Variants in TJP1 observed in about 807,000 individuals in gnomAD.
TJP1 encodes the protein tight junction protein 1, also known as tight junction protein ZO-1.
TJP1 carries 43 observed loss-of-function variants against 194.2 expected under a neutral mutation model. The ratio of observed to expected loss-of-function variants is 0.22; its 90% CI spans 0.17 to 0.29. The LOEUF (loss-of-function observed/expected upper bound fraction) is 0.29, where lower values mean the gene tolerates loss of function less well. Among genes scored for constraint, TJP1 ranks in the 10% least tolerant of loss-of-function variants. TJP1 has a pLI of 1.00. For synonymous variants in TJP1, 801 were observed against 779.0 expected, an observed-to-expected ratio of 1.03 and a Z score of -0.47; for missense variants, 1,971 against 2,185.7, an observed-to-expected ratio of 0.90 and a Z score of 1.96.
intron 2 of TJP1, among the ~76,000 whole-genome samples, chr15:29,786,894 G>A (rs542264933): frequency 6.6e-6 from 1 of 152,160 alleles, no homozygotes; most frequent in Non-Finnish European, 1.5e-5. Context: ...CTCTTAAGGG[G>A]CATTTTACTA....
At chr15:29,796,881 C>CA (rs965874529) in intron 2 of TJP1, among the ~76,000 whole-genome samples, 82 of 151,254 alleles carry the variant, frequency 5.4e-4, no homozygotes, top group African/African-American at 1.9e-3. Flanking sequence ...TGATTTTTGA[C>CA]AAAGCGAGAA....
intron 24 of TJP1, 143 bp from the exon 25 acceptor site, chr15:29,709,179 A>G (rs991292345): frequency 2.7e-6 from 2 of 739,058 alleles, no homozygotes; most frequent in African/African-American, 3.6e-5. Flanking sequence ...CCTGGAGGCT[A>G]GGTGTGATGC....
intron 2 of TJP1, among the ~76,000 whole-genome samples, chr15:29,842,186 T>A (rs1163798609): frequency 6.6e-6 from 1 of 152,152 alleles, no homozygotes. Flanking sequence ...TTCATTGATA[T>A]AAACAAGAGT....
intron 4 of TJP1, among the ~76,000 whole-genome samples, chr15:29,769,056 A>C (rs1447750666): frequency 6.6e-6 from 1 of 152,234 alleles, no homozygotes; most frequent in African/African-American, 2.4e-5. Context: ...TAATAAAATG[A>C]TACAAAACAA....
chr15:29,797,726 A>G (rs1468800134), intron 2 of TJP1, among the ~76,000 whole-genome samples: 1 of 152,210 alleles, frequency 6.6e-6, no homozygotes, highest in African/African-American at 2.4e-5. Context: ...AAAATATATA[A>G]AGACTACTGC....
At chr15:29,956,317 C>T (rs1442020412) in exon 2 of TJP1, 5 of 1,288,918 alleles carry the variant, frequency 3.9e-6, no homozygotes, top group South Asian at 1.2e-5. Context: ...TTTTCCTTGG[C>T]TGACACTAGA....
At chr15:29,956,198 G>T in intron 2 of TJP1, 2 of 1,170,904 alleles carry the variant, frequency 1.7e-6, no homozygotes, top group Admixed American at 3.3e-5. Flanking sequence ...ATACTCTTTG[G>T]AAAAATGAGA....
chr15:29,793,217 C>G (rs2048203958), intron 2 of TJP1, among the ~76,000 whole-genome samples: 1 of 152,182 alleles, frequency 6.6e-6, no homozygotes, highest in African/African-American at 2.4e-5. Flanking sequence ...TAGATTCCCC[C>G]CTCATGATAC....
chr15:29,785,375 C>G (rs1035808400), intron 2 of TJP1, among the ~76,000 whole-genome samples: 1 of 152,154 alleles, frequency 6.6e-6, no homozygotes, highest in Non-Finnish European at 1.5e-5. Context: ...ATAATTATGA[C>G]TGCTTTTGCA....
intron 2 of TJP1, among the ~76,000 whole-genome samples, chr15:29,843,447 C>T (rs892388630): frequency 6.6e-6 from 1 of 152,086 alleles, no homozygotes; most frequent in East Asian, 1.9e-4. Flanking sequence ...CCTCAGCCTC[C>T]CAAAATGCTG....
At chr15:29,791,277 T>C (rs1250888561) in intron 2 of TJP1, among the ~76,000 whole-genome samples, 2 of 151,960 alleles carry the variant, frequency 1.3e-5, no homozygotes, top group Admixed American at 1.3e-4. Flanking sequence ...TCCGCTCACC[T>C]TGCCCTCCCA....
Position 29,700,603 on chromosome 15 carries a change from G to T in TJP1, c.*992C>A. 1 of 378,064 alleles carries T rather than the reference G, an allele frequency of 2.6e-6. No individual in the cohort carries two copies. The highest frequency in any genetic ancestry group is 4.7e-6 in the Non-Finnish European group (1 of 213,704). 23.4% of individuals were successfully genotyped at this position (378,064 alleles called of 1,614,324 possible). A position where few individuals can be genotyped will look rare whatever the true frequency, so the allele number is the denominator to read the frequency against. On this transcript the variant is annotated 3_prime_UTR_variant, in exon 28 of 28. Transcript: ENST00000614355. ...TATAAAAAAGGTAAAGTTTATAAAA[G>T]TTAATTTACAAACCAAGAACAAAAG...
chr15:29,769,074 A>C (rs1353048495), intron 4 of TJP1, among the ~76,000 whole-genome samples: 1 of 152,218 alleles, frequency 6.6e-6, no homozygotes, highest in Non-Finnish European at 1.5e-5. Context: ...CAACAAACAC[A>C]AACAACTTAC....
intron 2 of TJP1, among the ~76,000 whole-genome samples, chr15:29,949,177 C>G (rs1596308567): frequency 6.7e-6 from 1 of 149,896 alleles, no homozygotes; most frequent in South Asian, 2.2e-4. Context: ...CCACCACCAC[C>G]TCCATCACCT....
rs550688318 is a variant in TJP1, at chr15:29,888,636, T to G, written c.306+67596A>C. On this transcript the variant is annotated intron_variant, in intron 2 of 28. Coordinates refer to the TJP1 transcript ENST00000356107. ...AAAATCATTTAGTTTCCTAAAATGGTGAGCAACACAAAAACATTCTGGATA... is the reference window on the plus strand; with the variant it reads ...AAAATCATTTAGTTTCCTAAAATGGGGAGCAACACAAAAACATTCTGGATA... Among the ~76,000 whole-genome samples the G allele has an allele frequency of 4.6e-5, 7 of 152,316 alleles. No individual in the cohort carries two copies. In the East Asian group the frequency reaches 1.3e-3, roughly 29 times the overall value.
chr15:29,968,084 G>T (rs1303099358), intron 1 of TJP1: 2 of 985,270 alleles, frequency 2.0e-6, no homozygotes, highest in Non-Finnish European at 2.4e-6. Flanking sequence ...CTTTAAGGAT[G>T]TTTTTTCCTC....
chr15:29,881,298 T>C lies in TJP1; in HGVS notation c.306+74934A>G, dbSNP rs141441914. Among the ~76,000 whole-genome samples, 596 of 152,372 alleles carry C rather than the reference T, an allele frequency of 3.9e-3. 2 individuals carry two copies. Among genetic ancestry groups the C allele is most frequent in the Non-Finnish European group, 6.0e-3 (410 of 68,040 alleles). On this transcript the variant is annotated intron_variant, in intron 2 of 28. Coordinates refer to the TJP1 transcript ENST00000356107. ...GCCCGTTTTTAAATTGGGTTATTTG[T>C]ATTTTTCCTATTGAGTTGTAGGAAT... is the stretch of plus-strand genomic sequence containing the variant.
At chr15:29,930,511 C>T (rs2054672352) in intron 2 of TJP1, among the ~76,000 whole-genome samples, 1 of 152,182 alleles carries the variant, frequency 6.6e-6, no homozygotes, top group Admixed American at 6.5e-5. Context: ...AGGAAAATCA[C>T]TCTTTAAAAT....
chr15:29,941,510 C>T (rs1442051464), intron 2 of TJP1, among the ~76,000 whole-genome samples: 1 of 152,170 alleles, frequency 6.6e-6, no homozygotes, highest in Non-Finnish European at 1.5e-5. Context: ...CTACAGACCT[C>T]TAGGGTTGGG....
Sources: allele counts gnomAD v4.1 joint callset (sites outside exome capture counted in the v4.1 genomes callset), GRCh38; gene constraint gnomAD v4.1.1; transcripts MANE v1.5; gene names NCBI Gene and HGNC (gene_info 2026-07-23, HGNC 2026-07-21).